The following COL5A2 variants were observed in gnomAD, a reference collection of about 807,000 sequenced individuals.
COL5A2 encodes the protein collagen type V alpha 2 chain.
COL5A2 carries 23 observed loss-of-function variants against 208.2 expected under a neutral mutation model. The ratio of observed to expected loss-of-function variants is 0.11; its 90% CI spans 0.08 to 0.16. The LOEUF is 0.16. COL5A2 is among the 10% of genes least tolerant of loss of function. The pLI is 1.00. For synonymous variants in COL5A2, 625 were observed against 628.5 expected (o/e 0.99, Z 0.08); for missense variants, 1,590 against 1,956.4 (o/e 0.81, Z 3.53).
At chr2:189,078,248 C>A (rs1686454059) in intron 16 of COL5A2, among the ~76,000 whole-genome samples, 1 of 152,032 alleles carries the variant, frequency 6.6e-6, no homozygotes, top group South Asian at 2.1e-4. Flanking sequence ...TATATGTATT[C>A]ATTATTTTCT....
intron 1 of COL5A2, among the ~76,000 whole-genome samples, chr2:189,116,900 T>C (rs1376541615): frequency 6.6e-6 from 1 of 152,178 alleles, no homozygotes; most frequent in African/African-American, 2.4e-5. Context: ...GAAAAGGAGA[T>C]GACTCATAGA....
intron 1 of COL5A2, among the ~76,000 whole-genome samples, chr2:189,214,301 G>A (rs1576588006): frequency 6.6e-6 from 1 of 151,932 alleles, no homozygotes; most frequent in Admixed American, 6.6e-5. Flanking sequence ...ATAGCAGCTT[G>A]ATTAAATAAA....
chr2:189,192,042 A>T (rs1688938824), intron 1 of COL5A2, among the ~76,000 whole-genome samples: 1 of 152,140 alleles, frequency 6.6e-6, no homozygotes, highest in Non-Finnish European at 1.5e-5. Context: ...TTCACATAAC[A>T]ACCTCAACCT....
the COL5A2 span, among the ~76,000 whole-genome samples, chr2:189,273,169 T>C: frequency 6.6e-6 from 1 of 152,132 alleles, no homozygotes; most frequent in Non-Finnish European, 1.5e-5. Context: ...GCAGAAAGGA[T>C]AGAAAGTTTT....
chr2:189,233,438 T>C, the COL5A2 span, among the ~76,000 whole-genome samples: 1 of 151,672 alleles, frequency 6.6e-6, no homozygotes, highest in East Asian at 1.9e-4. Context: ...CTGTAAATAG[T>C]CAACTAGAAT....
chr2:189,394,190 T>A, the COL5A2 span, among the ~76,000 whole-genome samples: 121 of 152,146 alleles, frequency 8.0e-4, no homozygotes, highest in African/African-American at 2.7e-3. Flanking sequence ...GATTTTAACC[T>A]AAAGTAGGTA....
the COL5A2 span, among the ~76,000 whole-genome samples, chr2:189,440,857 CGCT>C: frequency 6.6e-6 from 1 of 152,150 alleles, no homozygotes; most frequent in Non-Finnish European, 1.5e-5. Flanking sequence ...CTACACTGAA[CGCT>C]GCGGAAGATG....
chr2:189,108,688 T>C (rs967398286), intron 2 of COL5A2, among the ~76,000 whole-genome samples: 1 of 151,980 alleles, frequency 6.6e-6, no homozygotes, highest in Non-Finnish European at 1.5e-5. Flanking sequence ...TGTTATTTGT[T>C]CTACTCAATT....
intron 1 of COL5A2, among the ~76,000 whole-genome samples, chr2:189,194,708 C>T (rs1363467328): frequency 1.3e-5 from 2 of 152,148 alleles, no homozygotes; most frequent in Non-Finnish European, 2.9e-5. Context: ...AGTTTTTGCC[C>T]ATTCAGTATG....
At chr2:189,183,465 G>A (rs1688808333), upstream of COL5A2, among the ~76,000 whole-genome samples, 1 of 152,076 alleles carries the variant, frequency 6.6e-6, no homozygotes, top group South Asian at 2.1e-4. Context: ...ATTACTCCTA[G>A]TCAAGGCCTT....
chr2:189,426,821 C>T, the COL5A2 span, among the ~76,000 whole-genome samples: 1 of 152,176 alleles, frequency 6.6e-6, no homozygotes. Context: ...GCAAAACATT[C>T]AAGATGTGAC....
intron 1 of COL5A2, among the ~76,000 whole-genome samples, chr2:189,156,209 G>A (rs1202342032): frequency 6.6e-6 from 1 of 151,972 alleles, no homozygotes; most frequent in Admixed American, 6.6e-5. Context: ...ACATCTTTGG[G>A]GATGGCCATT....
chr2:189,122,601 T>G (rs1687527091), intron 1 of COL5A2, among the ~76,000 whole-genome samples: 1 of 152,218 alleles, frequency 6.6e-6, no homozygotes, highest in East Asian at 1.9e-4. Context: ...GGCAAATACC[T>G]GCAACATTCT....
chr2:189,188,561 T>C (rs930335420), intron 1 of COL5A2, among the ~76,000 whole-genome samples: 5 of 152,218 alleles, frequency 3.3e-5, no homozygotes, highest in African/African-American at 1.2e-4. Context: ...TGTAGCTAAA[T>C]TGAGAGTCCA....
chr2:189,318,821 C>T, the COL5A2 span, among the ~76,000 whole-genome samples: 8 of 152,106 alleles, frequency 5.3e-5, no homozygotes, highest in African/African-American at 1.2e-4. Context: ...GTTGCCACAC[C>T]TGTTTTGAAT....
chr2:189,162,669 T>C (rs1198722709), intron 1 of COL5A2, among the ~76,000 whole-genome samples: 2 of 152,178 alleles, frequency 1.3e-5, no homozygotes, highest in African/African-American at 4.8e-5. Context: ...TATACTGGAA[T>C]TTCTAAAATA....
intron 1 of COL5A2, among the ~76,000 whole-genome samples, chr2:189,217,810 A>C (rs1689297970): frequency 6.6e-6 from 1 of 152,130 alleles, no homozygotes; most frequent in African/African-American, 2.4e-5. Flanking sequence ...TCACACACCC[A>C]GTGAGGAAGG....
chr2:189,161,317 G>A (rs373962289), intron 1 of COL5A2, among the ~76,000 whole-genome samples: 5 of 151,876 alleles, frequency 3.3e-5, no homozygotes, highest in Non-Finnish European at 5.9e-5. Context: ...ATTTGTTAAT[G>A]TATCTATTCC....
At chr2:189,392,951 T>C in the COL5A2 span, among the ~76,000 whole-genome samples, 2 of 152,306 alleles carry the variant, frequency 1.3e-5, no homozygotes, top group Middle Eastern at 3.4e-3. Context: ...AAGTCTGTAG[T>C]ATCAGTTACA....
Sources: allele counts gnomAD v4.1 joint callset (sites outside exome capture counted in the v4.1 genomes callset), GRCh38; gene constraint gnomAD v4.1.1; transcripts MANE v1.5; gene names NCBI Gene and HGNC (gene_info 2026-07-23, HGNC 2026-07-21).